Variants in CSMD1 observed in about 807,000 individuals in gnomAD.
The protein encoded by CSMD1 is CUB and sushi domain-containing protein 1.
A neutral mutation model predicts 417.5 loss-of-function variants in CSMD1; 213 were observed. The observed-to-expected ratio is 0.51, with a 90% confidence interval of 0.46 to 0.57. CSMD1 has a LOEUF of 0.57. CSMD1 is among the 20% of genes least tolerant of loss of function. The probability of loss-of-function intolerance (pLI) is 0.00; values close to 1 mark genes in which losing one functional copy is unlikely to be tolerated. For missense variants in CSMD1, 6,923 were observed against 4,529.7 expected, an observed-to-expected ratio of 1.53 and a Z score of -15.17; for synonymous variants, 2,862 against 1,736.8, an observed-to-expected ratio of 1.65 and a Z score of -16.11.
chr8:4,529,361 T>C (rs1250741912), intron 2 of CSMD1, among the ~76,000 whole-genome samples: 1 of 152,222 alleles, frequency 6.6e-6, no homozygotes, highest in African/African-American at 2.4e-5. Context: ...CAGGCATTAA[T>C]ATGTTTGCTC....
chr8:4,247,468 T>A (rs887747904), intron 3 of CSMD1, among the ~76,000 whole-genome samples: 4 of 152,162 alleles, frequency 2.6e-5, no homozygotes, highest in Non-Finnish European at 4.4e-5. Flanking sequence ...AAATGCTTTC[T>A]ATCTCAATAT....
At chr8:3,304,980 A>G (rs911216112) in intron 25 of CSMD1, among the ~76,000 whole-genome samples, 1 of 152,194 alleles carries the variant, frequency 6.6e-6, no homozygotes, top group East Asian at 1.9e-4. Flanking sequence ...AAGCCATTGG[A>G]AGTGGTTTTT....
chr8:3,519,465 C>T (rs150082821), intron 10 of CSMD1, among the ~76,000 whole-genome samples: 1 of 152,256 alleles, frequency 6.6e-6, no homozygotes, highest in East Asian at 1.9e-4. Context: ...AGAGGAAACA[C>T]AGGCTCACAA....
chr8:3,308,171 C>CA lies in CSMD1; in HGVS notation c.3823+140dup. 3 of 679,762 alleles carry CA rather than the reference C, an allele frequency of 4.4e-6. No homozygotes were observed. The South Asian group carries it at 6.7e-5, about 15-fold the overall frequency. 42.1% of individuals were successfully genotyped at this position (679,762 alleles called of 1,614,324 possible). On this transcript the variant is annotated intron_variant, in intron 24 of 69. Coordinates refer to ENST00000635120, the MANE Select transcript of CSMD1 (RefSeq NM_033225.6). ...GAAAACACACACTCACAGACACGTG[C>CA]AAATCTCAGAATACATAAAACTCAC...
chr8:3,756,058 C>T (rs929251986), intron 5 of CSMD1, among the ~76,000 whole-genome samples: 1 of 152,042 alleles, frequency 6.6e-6, no homozygotes, highest in Non-Finnish European at 1.5e-5. Context: ...CTTACAGGTA[C>T]TTTAAAAAAT....
At chr8:4,387,780 T>G (rs1208231130) in intron 3 of CSMD1, among the ~76,000 whole-genome samples, 1 of 152,114 alleles carries the variant, frequency 6.6e-6, no homozygotes. Flanking sequence ...CTTATGAGAA[T>G]TAACAAGACG....
chr8:3,972,130 G>A lies in CSMD1; in HGVS notation c.818+25773C>T, dbSNP rs1021529884. Among the ~76,000 whole-genome samples, 44 of 152,056 alleles carry A rather than the reference G, an allele frequency of 2.9e-4. 1 individual carries two copies. The highest frequency in any genetic ancestry group is 6.0e-4 in the African/African-American group (25 of 41,390). Reference sequence around the variant, plus strand: ...AAGAGATCCTCCTGCCTGGGACGGCGAAAGTGCTGGGATGACAGGTTGAAC... The same window carrying A: ...AAGAGATCCTCCTGCCTGGGACGGCAAAAGTGCTGGGATGACAGGTTGAAC... On this transcript the variant is annotated intron_variant, in intron 5 of 69. Coordinates refer to ENST00000635120, the MANE Select transcript of CSMD1 (RefSeq NM_033225.6).
intron 1 of CSMD1, among the ~76,000 whole-genome samples, chr8:4,710,850 T>A (rs1044188941): frequency 1.6e-4 from 24 of 150,760 alleles, no homozygotes; most frequent in African/African-American, 5.4e-4. Context: ...GTCTCAAAAA[T>A]AATAATAATA....
chr8:3,429,784 T>C (rs1452180624), intron 12 of CSMD1, among the ~76,000 whole-genome samples: 2 of 152,194 alleles, frequency 1.3e-5, no homozygotes, highest in Non-Finnish European at 2.9e-5. Context: ...CTATGGTTTG[T>C]AATTTATACC....
intron 3 of CSMD1, among the ~76,000 whole-genome samples, chr8:4,122,748 G>C (rs1802556792): frequency 6.6e-6 from 1 of 152,136 alleles, no homozygotes. Context: ...TTCTGTGAAA[G>C]GGGAAGATTT....
chr8:4,718,599 T>C (rs117577901), intron 1 of CSMD1, among the ~76,000 whole-genome samples: 205 of 152,098 alleles, frequency 1.3e-3, no homozygotes, highest in Non-Finnish European at 1.4e-3. Context: ...GATAAACATA[T>C]AGTACGATTG....
intron 2 of CSMD1, among the ~76,000 whole-genome samples, chr8:4,541,237 G>A (rs1797369854): frequency 6.6e-6 from 1 of 152,132 alleles, no homozygotes; most frequent in African/African-American, 2.4e-5. Context: ...TAACTACTGT[G>A]TGACTTAGAG....
intron 51 of CSMD1, among the ~76,000 whole-genome samples, chr8:3,023,998 G>A (rs1809657239): frequency 6.6e-6 from 1 of 152,088 alleles, no homozygotes; most frequent in Admixed American, 6.5e-5. Flanking sequence ...CTAGCACAGT[G>A]TGGAAAATTG....
At chr8:3,631,714 T>C (rs568408479) in intron 7 of CSMD1, among the ~76,000 whole-genome samples, 2 of 152,338 alleles carry the variant, frequency 1.3e-5, no homozygotes, top group Admixed American at 1.3e-4. Flanking sequence ...ATTTTACTGT[T>C]CGAGAAAAAC....
At chr8:4,129,003 G>A (rs563464308) in intron 3 of CSMD1, among the ~76,000 whole-genome samples, 17 of 150,112 alleles carry the variant, frequency 1.1e-4, no homozygotes, top group Non-Finnish European at 1.5e-5. Flanking sequence ...TTGAACCCGG[G>A]AGTCAGAGGC....
At chr8:4,738,440 T>C (rs570367882) in intron 1 of CSMD1, among the ~76,000 whole-genome samples, 2 of 152,194 alleles carry the variant, frequency 1.3e-5, no homozygotes, top group South Asian at 2.1e-4. Flanking sequence ...AAAAGCCCCT[T>C]ATAAAACCAT....
intron 1 of CSMD1, among the ~76,000 whole-genome samples, chr8:4,920,986 G>GA (rs1563770031): frequency 3.9e-5 from 1 of 25,554 alleles, no homozygotes; most frequent in African/African-American, 1.3e-4. Flanking sequence ...AAGAAACAAA[G>GA]AAAGAAAGAA....
rs73660330 is a variant in CSMD1, at chr8:3,596,235, G to C, written c.1098-9975C>G. ...CCCCGGCAGCCTGCACCACCGTCCAGCTCACACCTCCATCATGCATCAGCC... is the reference window on the plus strand; with the variant it reads ...CCCCGGCAGCCTGCACCACCGTCCACCTCACACCTCCATCATGCATCAGCC... On this transcript the variant is annotated intron_variant, in intron 8 of 69. Transcript: ENST00000635120. Among the ~76,000 whole-genome samples, 1,321 of 152,302 alleles carry C rather than the reference G, an allele frequency of 8.7e-3. 18 individuals are homozygous for C. Among genetic ancestry groups the C allele is most frequent in the African/African-American group, 0.03 (1,248 of 41,556 alleles).
intron 2 of CSMD1, among the ~76,000 whole-genome samples, chr8:4,497,518 C>A (rs1187115253): frequency 1.3e-5 from 2 of 152,160 alleles, no homozygotes; most frequent in African/African-American, 2.4e-5. Context: ...CCAAATCCAG[C>A]TTGTTCTGTA....
Sources: allele counts gnomAD v4.1 joint callset (sites outside exome capture counted in the v4.1 genomes callset), GRCh38; gene constraint gnomAD v4.1.1; transcripts MANE v1.5; gene names NCBI Gene and HGNC (gene_info 2026-07-23, HGNC 2026-07-21).